Variants in ITPRID1 observed in about 807,000 individuals in gnomAD.
The protein encoded by ITPRID1 is protein ITPRID1.
In ITPRID1, 96 loss-of-function variants were observed where a neutral mutation model predicts 95.4. The ratio of observed to expected loss-of-function variants is 1.01; its 90% CI spans 0.85 to 1.19. The LOEUF (loss-of-function observed/expected upper bound fraction) is 1.19, where lower values mean the gene tolerates loss of function less well. Among genes scored for constraint, ITPRID1 ranks in the 50% most tolerant of loss-of-function variants. The pLI, the probability that ITPRID1 is intolerant of heterozygous loss-of-function variation, is 0.00. For synonymous variants in ITPRID1, 510 were observed against 453.6 expected, an observed-to-expected ratio of 1.12 and a Z score of -1.58; for missense variants, 1,339 against 1,252.9, an observed-to-expected ratio of 1.07 and a Z score of -1.04.
chr7:31,598,516 G>A (rs6462285), intron 10 of ITPRID1, among the ~76,000 whole-genome samples: 144,005 of 150,526 alleles, frequency 0.96, 68,897 homozygotes, highest in East Asian at 0.98. Context: ...CCATTCTCCT[G>A]CCTCAGCCTC....
intron 10 of ITPRID1, among the ~76,000 whole-genome samples, chr7:31,599,656 T>C (rs78454392): frequency 0.025 from 355 of 14,166 alleles, 7 homozygotes; most frequent in Middle Eastern, 0.059. Flanking sequence ...TTTTTCTTTC[T>C]TTCCTTTCTC....
intron 1 of ITPRID1, among the ~76,000 whole-genome samples, chr7:31,520,564 TGAGAGAGA>T (rs61620751): frequency 2.7e-3 from 151 of 54,948 alleles, no homozygotes; most frequent in African/African-American, 8.0e-3. Context: ...TGTGTGTGTG[TGAGAGAGA>T]GAGAGAGAGT....
intron 1 of ITPRID1, among the ~76,000 whole-genome samples, chr7:31,519,203 A>G (rs1783139401): frequency 1.3e-5 from 2 of 152,194 alleles, no homozygotes; most frequent in South Asian, 4.1e-4. Flanking sequence ...GAAGATCATT[A>G]TCCAGGAAGG....
intron 10 of ITPRID1, among the ~76,000 whole-genome samples, chr7:31,599,621 CTTTCTT>C (rs1786271475): frequency 7.9e-6 from 1 of 126,532 alleles, no homozygotes; most frequent in African/African-American, 3.2e-5. Flanking sequence ...TTCTTTCTTT[CTTTCTT>C]TCTTTCTTTC....
At chr7:31,594,355 T>G (rs529837923) in intron 10 of ITPRID1, among the ~76,000 whole-genome samples, 4 of 152,332 alleles carry the variant, frequency 2.6e-5, no homozygotes, top group Non-Finnish European at 5.9e-5. Context: ...TGTATAATAT[T>G]TCTACTGGGG....
chr7:31,547,366 G>C (rs907998597), intron 1 of ITPRID1, among the ~76,000 whole-genome samples: 2 of 152,156 alleles, frequency 1.3e-5, no homozygotes, highest in African/African-American at 4.8e-5. Context: ...ACAGGGCTGG[G>C]GAGGCCTCAG....
intron 10 of ITPRID1, among the ~76,000 whole-genome samples, chr7:31,584,441 C>T (rs2128150214): frequency 1.3e-5 from 2 of 152,270 alleles, no homozygotes; most frequent in Admixed American, 1.3e-4. Context: ...GAATGCTTTT[C>T]AATGAAGCTG....
At chr7:31,629,366 C>T (rs1788789104) in intron 10 of ITPRID1, among the ~76,000 whole-genome samples, 1 of 152,080 alleles carries the variant, frequency 6.6e-6, no homozygotes, top group South Asian at 2.1e-4. Flanking sequence ...ATTCCAAGTC[C>T]CTGCATTACC....
chr7:31,630,057 A>G (rs897193056), intron 10 of ITPRID1, among the ~76,000 whole-genome samples: 6 of 152,182 alleles, frequency 3.9e-5, no homozygotes, highest in Admixed American at 2.0e-4. Context: ...ATGACAGAAG[A>G]AAATGAAATT....
chr7:31,553,188 G>C lies in ITPRID1; in HGVS notation c.163+1G>C. On this transcript the variant is annotated splice_donor_variant, in intron 3 of 14. Coordinates refer to ENST00000615280, the MANE Select transcript of ITPRID1 (RefSeq NM_001257967.3). LOFTEE classifies it high-confidence loss of function. The stretch of plus-strand genomic sequence containing the variant: ...CAGAGTCTCACCATCCCCATGCTGG[G>C]TGAGAAGGACTCTCAGGCCTATTTG... 6.4e-7 allele frequency: 1 copy of C among 1,571,566 alleles called. No homozygotes were observed. Among genetic ancestry groups the C allele is most frequent in the Non-Finnish European group, 8.6e-7 (1 of 1,157,226 alleles).
intron 1 of ITPRID1, among the ~76,000 whole-genome samples, chr7:31,520,340 C>T (rs950069852): frequency 1.3e-5 from 2 of 152,094 alleles, no homozygotes; most frequent in Non-Finnish European, 2.9e-5. Context: ...TCTTTCCATA[C>T]TTATTTTTTG....
intron 9 of ITPRID1, among the ~76,000 whole-genome samples, chr7:31,582,881 CT>C (rs1254289228): frequency 6.6e-6 from 1 of 152,066 alleles, no homozygotes; most frequent in East Asian, 1.9e-4. Context: ...ATGTAAATTT[CT>C]TTCAAATGCA....
At chr7:31,619,606 C>T (rs1293696663) in intron 10 of ITPRID1, among the ~76,000 whole-genome samples, 3 of 151,870 alleles carry the variant, frequency 2.0e-5, no homozygotes, top group African/African-American at 7.3e-5. Context: ...GTTCTTTTAA[C>T]AGTTAAAGAA....
chr7:31,521,712 T>TCCC, intron 1 of ITPRID1, among the ~76,000 whole-genome samples: 3 of 76,126 alleles, frequency 3.9e-5, no homozygotes, highest in African/African-American at 1.6e-4. Context: ...CCTCCCTCCC[T>TCCC]TCCTTCCTTC....
chr7:31,517,626 C>G (rs1583449431), intron 1 of ITPRID1: 1 of 152,912 alleles, frequency 6.5e-6, no homozygotes, highest in South Asian at 2.1e-4. Flanking sequence ...GCAGAGCCCA[C>G]GCCCACCCGG....
At chr7:31,638,726 G>C (rs557867954) in intron 10 of ITPRID1, among the ~76,000 whole-genome samples, 4 of 151,744 alleles carry the variant, frequency 2.6e-5, no homozygotes, top group Non-Finnish European at 5.9e-5. Flanking sequence ...TGATTTTAAG[G>C]GTTTTTATAA....
At chr7:31,525,395 C>T (rs1320050477) in intron 1 of ITPRID1, among the ~76,000 whole-genome samples, 1 of 152,192 alleles carries the variant, frequency 6.6e-6, no homozygotes, top group Non-Finnish European at 1.5e-5. Context: ...ATACTAGTAG[C>T]ATTCTCCACC....
At chr7:31,577,710 G>T (rs764585673) in intron 8 of ITPRID1, among the ~76,000 whole-genome samples, 153 bp from the exon 9 acceptor site, 4 of 152,096 alleles carry the variant, frequency 2.6e-5, no homozygotes, top group Non-Finnish European at 5.9e-5. Flanking sequence ...TAATAGTAAT[G>T]GCATATACTG....
intron 2 of ITPRID1, among the ~76,000 whole-genome samples, chr7:31,552,497 C>T (rs1014641022): frequency 3.9e-5 from 6 of 152,080 alleles, no homozygotes; most frequent in South Asian, 2.1e-4. Flanking sequence ...TAGAGTGTAT[C>T]GCCAGTTTAG....
Sources: gnomAD v4.1 joint callset for allele counts (sites outside exome capture counted in the v4.1 genomes callset) on GRCh38, gnomAD v4.1.1 for gene constraint, MANE v1.5 for transcripts, NCBI Gene and HGNC (gene_info 2026-07-23, HGNC 2026-07-21) for gene names.